MYT1L: variants seen among roughly 807,000 people sequenced by gnomAD.
MYT1L encodes the protein myelin transcription factor 1 like.
In MYT1L, 12 loss-of-function variants were observed where a neutral mutation model predicts 126.7. That is an observed-to-expected ratio of 0.09 (90% CI 0.06 to 0.15). The LOEUF (loss-of-function observed/expected upper bound fraction) is 0.15. Among genes scored for constraint, MYT1L ranks in the 10% least tolerant of loss-of-function variants. The pLI, the probability that MYT1L is intolerant of heterozygous loss-of-function variation, is 1.00. For synonymous variants in MYT1L, 541 were observed against 604.2 expected (o/e 0.90, Z 1.53); for missense variants, 979 against 1,585.2 (o/e 0.62, Z 6.49).
In MYT1L at chr2:2,321,668, G is replaced by A. The variant is rs1204112815; in HGVS notation, c.-521+9299C>T. Among the ~76,000 whole-genome samples the A allele has an allele frequency of 3.3e-5, 5 of 152,050 alleles. No individual in the cohort carries two copies. In the East Asian group the frequency reaches 9.6e-4, roughly 29 times the overall value. ...AGGCACCACTCAGAACAGTGTTTGAGCTAGAAATCCTATAATGAAAATCTT... is the reference window on the plus strand; with the variant it reads ...AGGCACCACTCAGAACAGTGTTTGAACTAGAAATCCTATAATGAAAATCTT... On this transcript the variant is annotated intron_variant, in intron 1 of 24. Coordinates refer to ENST00000647738, the MANE Select transcript of MYT1L (RefSeq NM_001303052.2).
intron 8 of MYT1L, among the ~76,000 whole-genome samples, chr2:1,947,705 AG>A (rs1272042901): frequency 6.6e-6 from 1 of 152,208 alleles, no homozygotes; most frequent in Non-Finnish European, 1.5e-5. Flanking sequence ...TAGTGGAGGA[AG>A]AGGGACAATA....
chr2:1,892,408 G>A (rs1194842948), intron 14 of MYT1L, 121 bp from the exon 15 acceptor site: 1 of 1,351,038 alleles, frequency 7.4e-7, no homozygotes, highest in Non-Finnish European at 9.8e-7. Flanking sequence ...CGGCCCTCAG[G>A]GTGCTGGGGC....
At chr2:2,145,762 G>A (rs1406577118) in intron 3 of MYT1L, among the ~76,000 whole-genome samples, 2 of 152,066 alleles carry the variant, frequency 1.3e-5, no homozygotes, top group Admixed American at 1.3e-4. Flanking sequence ...TGTTATAAAT[G>A]TATAGAGTTT....
chr2:2,085,511 G>A (rs1398568200), intron 3 of MYT1L, among the ~76,000 whole-genome samples: 1 of 152,002 alleles, frequency 6.6e-6, no homozygotes, highest in Non-Finnish European at 1.5e-5. Context: ...CTCCTTCTTT[G>A]GATTCTTATC....
rs114858871 is a variant in MYT1L, at chr2:2,311,689, A to G, written c.-521+19278T>C. 1.7e-3 allele frequency among the ~76,000 whole-genome samples: 253 copies of G among 152,254 alleles called. 1 individual carries two copies. Among genetic ancestry groups the G allele is most frequent in the Non-Finnish European group, 2.6e-3 (176 of 68,016 alleles). ...CTATGGCTGGCTCTTGGACAGATGT[A>G]CATTGCTGCAAGATAGGGGAGCAGG... On this transcript the variant is annotated intron_variant, in intron 1 of 24. Transcript: ENST00000647738.
At chr2:2,182,377 G>C (rs1271920054) in intron 2 of MYT1L, among the ~76,000 whole-genome samples, 1 of 152,136 alleles carries the variant, frequency 6.6e-6, no homozygotes, top group East Asian at 1.9e-4. Context: ...ATGATTCTGG[G>C]CTAGCTGATA....
chr2:1,985,811 G>A (rs2060969183), intron 5 of MYT1L, among the ~76,000 whole-genome samples: 1 of 152,228 alleles, frequency 6.6e-6, no homozygotes, highest in African/African-American at 2.4e-5. Context: ...CATTTTGACA[G>A]AGCCAACTTG....
chr2:1,900,542 G>T (rs929704517), intron 14 of MYT1L, among the ~76,000 whole-genome samples: 2 of 152,056 alleles, frequency 1.3e-5, no homozygotes, highest in Non-Finnish European at 2.9e-5. Context: ...CTCGTGATCC[G>T]CCCACCTCGG....
chr2:2,221,273 G>A (rs1195781645), intron 2 of MYT1L, among the ~76,000 whole-genome samples: 1 of 152,108 alleles, frequency 6.6e-6, no homozygotes, highest in African/African-American at 2.4e-5. Context: ...TTTAGTCTGG[G>A]CACCTCTTGG....
At chr2:2,118,248 G>A (rs1171563149) in intron 3 of MYT1L, among the ~76,000 whole-genome samples, 1 of 152,076 alleles carries the variant, frequency 6.6e-6, no homozygotes, top group East Asian at 1.9e-4. Flanking sequence ...TCCAGGCGGT[G>A]TGCTCCAAAC....
intron 2 of MYT1L, among the ~76,000 whole-genome samples, chr2:2,282,387 T>C (rs941120797): frequency 6.6e-6 from 1 of 152,250 alleles, no homozygotes; most frequent in Non-Finnish European, 1.5e-5. Context: ...ATTAGTTTTT[T>C]CTTAAGGTTG....
chr2:2,323,380 T>C (rs895297988), intron 1 of MYT1L, among the ~76,000 whole-genome samples: 1 of 152,130 alleles, frequency 6.6e-6, no homozygotes, highest in Non-Finnish European at 1.5e-5. Flanking sequence ...TTCAGGAATC[T>C]ATAAAAAGAC....
chr2:2,065,086 T>A lies in MYT1L; in HGVS notation c.-303-10963A>T, dbSNP rs572467181. Among the ~76,000 whole-genome samples, 5 of 152,196 alleles carry A rather than the reference T, an allele frequency of 3.3e-5. No individual in the cohort carries two copies. The East Asian group carries it at 9.7e-4, about 29-fold the overall frequency. On this transcript the variant is annotated intron_variant, in intron 3 of 24. Coordinates refer to ENST00000647738, the MANE Select transcript of MYT1L (RefSeq NM_001303052.2). ...GGTGGCACACGCCTGTGGTCCCAGC[T>A]ACTTAAGACACTGAGGTAGAAGCAT...
chr2:2,208,888 T>A (rs952679026), intron 2 of MYT1L, among the ~76,000 whole-genome samples: 1 of 152,210 alleles, frequency 6.6e-6, no homozygotes, highest in African/African-American at 2.4e-5. Context: ...TGATACTTAT[T>A]TTTCTTTATT....
intron 19 of MYT1L, among the ~76,000 whole-genome samples, chr2:1,847,743 T>A (rs972648796): frequency 1.3e-5 from 2 of 152,198 alleles, no homozygotes; most frequent in Non-Finnish European, 2.9e-5. Flanking sequence ...TGGAAGCCTT[T>A]GTAGGCATTT....
intron 1 of MYT1L, among the ~76,000 whole-genome samples, chr2:2,327,295 C>G (rs2096254912): frequency 1.3e-5 from 2 of 152,114 alleles, no homozygotes; most frequent in Non-Finnish European, 1.5e-5. Context: ...TTTGTGGTAT[C>G]TTTTGTCTTC....
chr2:2,192,327 G>A (rs951656021), intron 2 of MYT1L, among the ~76,000 whole-genome samples: 3 of 152,146 alleles, frequency 2.0e-5, no homozygotes, highest in Non-Finnish European at 2.9e-5. Context: ...AAGGTAACAC[G>A]TAAAGTTTCT....
At chr2:2,175,528 G>A (rs1226187705) in intron 2 of MYT1L, among the ~76,000 whole-genome samples, 2 of 151,974 alleles carry the variant, frequency 1.3e-5, no homozygotes, top group Admixed American at 6.6e-5. Flanking sequence ...TTTCTCAGAC[G>A]TATAACACTG....
At chr2:2,204,376 A>T (rs1373852821) in intron 2 of MYT1L, among the ~76,000 whole-genome samples, 1 of 151,578 alleles carries the variant, frequency 6.6e-6, no homozygotes, top group Non-Finnish European at 1.5e-5. Flanking sequence ...ACAAAGGGCT[A>T]ATATCCAGAA....
Sources: allele counts gnomAD v4.1 joint callset (sites outside exome capture counted in the v4.1 genomes callset), GRCh38; gene constraint gnomAD v4.1.1; transcripts MANE v1.5; gene names NCBI Gene and HGNC (gene_info 2026-07-23, HGNC 2026-07-21).